The following TTC3 variants were observed in gnomAD, a reference collection of about 807,000 sequenced individuals.
The protein encoded by TTC3 is E3 ubiquitin-protein ligase TTC3.
Under a neutral mutation model 249.6 loss-of-function variants are expected in TTC3, and 180 were observed. The ratio of observed to expected loss-of-function variants is 0.72; its 90% CI spans 0.64 to 0.82. The LOEUF (loss-of-function observed/expected upper bound fraction) is 0.82, where lower values mean the gene tolerates loss of function less well. Among genes scored for constraint, TTC3 ranks in the 40% least tolerant of loss-of-function variants. The probability of loss-of-function intolerance (pLI) is 0.00; values close to 1 mark genes in which losing one functional copy is unlikely to be tolerated. For missense variants in TTC3, 2,061 were observed against 2,398.4 expected (o/e 0.86, Z 2.94); for synonymous variants, 717 against 805.0 (o/e 0.89, Z 1.85).
At chr21:37,164,556 T>TC (rs1663354080) in intron 32 of TTC3, among the ~76,000 whole-genome samples, 1 of 152,108 alleles carries the variant, frequency 6.6e-6, no homozygotes, top group Non-Finnish European at 1.5e-5. Context: ...CAGGCAGGTC[T>TC]CCAACTCCTG....
At chr21:37,159,824 T>C in intron 29 of TTC3, 79 bp downstream of exon 29, 1 of 1,328,932 alleles carries the variant, frequency 7.5e-7, no homozygotes, top group Non-Finnish European at 1.1e-6. Context: ...CAGGCCAGTG[T>C]TTATTGACAT....
chr21:37,188,652 A>G (rs2083593989), intron 39 of TTC3, 57 bp downstream of exon 39: 2 of 1,342,800 alleles, frequency 1.5e-6, no homozygotes, highest in East Asian at 2.3e-5. Context: ...AGCTAGGACC[A>G]TTTGAGAAAA....
intron 35 of TTC3, among the ~76,000 whole-genome samples, chr21:37,177,402 T>A (rs1333486222): frequency 1.3e-5 from 2 of 152,128 alleles, no homozygotes; most frequent in Non-Finnish European, 2.9e-5. Context: ...CAAGGTCACA[T>A]GATAAATGGA....
intron 1 of TTC3, chr21:37,081,550 T>C (rs2071662866): frequency 6.6e-6 from 1 of 152,250 alleles, no homozygotes; most frequent in African/African-American, 2.4e-5. Flanking sequence ...ATGTGTTTCA[T>C]GATTCTGCAT....
intron 28 of TTC3, among the ~76,000 whole-genome samples, chr21:37,157,539 G>A (rs1205093783): frequency 6.6e-6 from 1 of 152,202 alleles, no homozygotes; most frequent in East Asian, 1.9e-4. Context: ...GAGGGCCAGA[G>A]AAGGTGCCAA....
chr21:37,130,205 G>T (rs1387206896), intron 16 of TTC3, among the ~76,000 whole-genome samples: 1 of 151,934 alleles, frequency 6.6e-6, no homozygotes, highest in African/African-American at 2.4e-5. Context: ...TTTCAAAAAT[G>T]ACCATTTTTG....
intron 42 of TTC3, among the ~76,000 whole-genome samples, chr21:37,196,848 T>A (rs1569201709): frequency 6.6e-6 from 1 of 152,006 alleles, no homozygotes; most frequent in Non-Finnish European, 1.5e-5. Flanking sequence ...TAACAAGGGG[T>A]CCTTGTGAAT....
chr21:37,149,674 C>T (rs139254879), intron 23 of TTC3, among the ~76,000 whole-genome samples: 4 of 152,284 alleles, frequency 2.6e-5, no homozygotes, highest in Non-Finnish European at 5.9e-5. Context: ...TTGGCTGGGA[C>T]TGGGCTGTAG....
chr21:37,114,693 A>G (rs1601538506), intron 11 of TTC3, among the ~76,000 whole-genome samples: 2 of 152,172 alleles, frequency 1.3e-5, no homozygotes, highest in Admixed American at 6.5e-5. Flanking sequence ...TATATACCCA[A>G]AGGATTATAA....
At chr21:37,170,064 T>G (rs2081618068) in intron 34 of TTC3, among the ~76,000 whole-genome samples, 1 of 152,164 alleles carries the variant, frequency 6.6e-6, no homozygotes, top group Admixed American at 6.5e-5. Context: ...GGGAAAAATT[T>G]TTTGTAAGAT....
chr21:37,087,497 G>C, intron 2 of TTC3, 96 bp downstream of exon 2: 1 of 1,441,420 alleles, frequency 6.9e-7, no homozygotes, highest in Admixed American at 1.9e-5. Context: ...TGGTACGTGC[G>C]TTTTGACAGG....
chr21:37,132,370 G>T (rs892353075), intron 16 of TTC3, among the ~76,000 whole-genome samples: 2 of 146,994 alleles, frequency 1.4e-5, no homozygotes, highest in Non-Finnish European at 1.5e-5. Context: ...TTGCTCTGTC[G>T]CCCAGGCTGG....
intron 21 of TTC3, among the ~76,000 whole-genome samples, chr21:37,146,612 G>T (rs920254249): frequency 6.6e-6 from 1 of 152,194 alleles, no homozygotes; most frequent in African/African-American, 2.4e-5. Context: ...AAGGGCTTGT[G>T]TGAGTCCATT....
intron 36 of TTC3, among the ~76,000 whole-genome samples, chr21:37,184,737 G>A (rs1032674069): frequency 1.3e-4 from 20 of 151,314 alleles, no homozygotes; most frequent in African/African-American, 4.9e-4. Flanking sequence ...CCAAAGTGCT[G>A]GGATTACAGG....
At chr21:37,160,976 T>C in intron 30 of TTC3, 118 bp downstream of exon 30, 2 of 1,001,770 alleles carry the variant, frequency 2.0e-6, no homozygotes, top group South Asian at 2.0e-5. Flanking sequence ...AGAAAGACTT[T>C]CTAGGACTTA....
intron 7 of TTC3, 134 bp from the exon 8 acceptor site, chr21:37,093,871 G>T (rs1460408169): frequency 1.9e-6 from 1 of 530,938 alleles, no homozygotes; most frequent in African/African-American, 2.0e-5. Flanking sequence ...CAAGAAACAT[G>T]TGCTATTTAG....
intron 16 of TTC3, among the ~76,000 whole-genome samples, chr21:37,129,589 A>G (rs2077306699): frequency 6.6e-6 from 1 of 152,228 alleles, no homozygotes; most frequent in Non-Finnish European, 1.5e-5. Context: ...GAATTCTATC[A>G]AACATCCCCA....
chr21:37,124,697 A>G (rs755338957), exon 14 of TTC3: 1 of 1,613,886 alleles, frequency 6.2e-7, no homozygotes, highest in Non-Finnish European at 8.5e-7. Flanking sequence ...GAGATTTCAG[A>G]AAAATTAATC....
At chr21:37,080,143 A>G (rs917643573) in intron 1 of TTC3, among the ~76,000 whole-genome samples, 2 of 152,130 alleles carry the variant, frequency 1.3e-5, no homozygotes, top group African/African-American at 4.8e-5. Context: ...TAAGCATGCA[A>G]GACTGTAAAC....
Sources: gnomAD v4.1 joint callset for allele counts (sites outside exome capture counted in the v4.1 genomes callset) on GRCh38, gnomAD v4.1.1 for gene constraint, MANE v1.5 for transcripts, NCBI Gene and HGNC (gene_info 2026-07-23, HGNC 2026-07-21) for gene names.